The following ARHGAP6 variants were observed in gnomAD, a reference collection of about 807,000 sequenced individuals.
The protein encoded by ARHGAP6 is Rho GTPase activating protein 6.
A neutral mutation model predicts 55.7 loss-of-function variants in ARHGAP6; 16 were observed. The observed-to-expected ratio is 0.29, with a 90% CI of 0.19 to 0.44. The LOEUF is 0.44. Ranked by LOEUF, ARHGAP6 falls within the 20% of genes least tolerant of loss-of-function variation. ARHGAP6 has a pLI of 1.00. For synonymous variants in ARHGAP6, 382 were observed against 360.9 expected, an observed-to-expected ratio of 1.06 and a Z score of -0.66; for missense variants, 698 against 808.9, an observed-to-expected ratio of 0.86 and a Z score of 1.66.
chrX:11,452,482 G>A, intron 1 of ARHGAP6, among the ~76,000 whole-genome samples: 1 of 112,004 alleles, frequency 8.9e-6, no homozygotes, highest in Non-Finnish European at 1.9e-5. Flanking sequence ...TACAGTCCAT[G>A]TAACAGTTTC....
rs141495505 is a variant in ARHGAP6 at position 11,504,510 on chromosome X, T to C, written c.588+159731A>G. Among the ~76,000 whole-genome samples, 8 of 112,164 alleles carry C rather than the reference T, an allele frequency of 7.1e-5. No individual in the cohort carries two copies. In the East Asian group the frequency reaches 2.2e-3, roughly 31 times the overall value. Reference sequence around the variant, plus strand: ...TTACCCCCGTTAAGAATCCGTCTCTTAACTATATAAATAAATATTGTAGAA... The same window carrying C: ...TTACCCCCGTTAAGAATCCGTCTCTCAACTATATAAATAAATATTGTAGAA... On this transcript the variant is annotated intron_variant, in intron 1 of 12. Transcript: ENST00000337414.
intron 1 of ARHGAP6, among the ~76,000 whole-genome samples, chrX:11,634,253 T>C (rs957275917): frequency 1.8e-5 from 2 of 110,690 alleles, no homozygotes; most frequent in Admixed American, 1.9e-4. Context: ...TAATAAGCTT[T>C]AACTAATAAT....
At chrX:11,184,095 T>C (rs1473501030) in intron 5 of ARHGAP6, among the ~76,000 whole-genome samples, 3 of 112,003 alleles carry the variant, frequency 2.7e-5, no homozygotes, top group African/African-American at 9.7e-5. Context: ...GAATCCTGGA[T>C]CCAGCCGTGC....
intron 1 of ARHGAP6, among the ~76,000 whole-genome samples, chrX:11,657,468 G>T (rs972710177): frequency 2.3e-4 from 25 of 108,486 alleles, no homozygotes; most frequent in African/African-American, 8.4e-4. Context: ...AGGAGTAAAG[G>T]CATTCTGGCC....
At chrX:11,450,917 C>A (rs929109309) in intron 1 of ARHGAP6, among the ~76,000 whole-genome samples, 4 of 111,579 alleles carry the variant, frequency 3.6e-5, no homozygotes, top group African/African-American at 1.3e-4. Flanking sequence ...CATTTCCCCA[C>A]CGCTGACCTC....
intron 2 of ARHGAP6, among the ~76,000 whole-genome samples, chrX:11,201,629 A>G (rs2046622649): frequency 8.9e-6 from 1 of 112,170 alleles, no homozygotes; most frequent in South Asian, 3.7e-4. Flanking sequence ...ACAGTTCCAC[A>G]TGGCTGGGGA....
chrX:11,331,326 T>C (rs556754723), intron 1 of ARHGAP6, among the ~76,000 whole-genome samples: 1 of 111,772 alleles, frequency 8.9e-6, no homozygotes, highest in South Asian at 3.8e-4. Context: ...AATCAGACCC[T>C]TTCTGTCCAA....
chrX:11,178,381 T>C, intron 7 of ARHGAP6, 133 bp from the exon 8 acceptor site: 1 of 775,232 alleles, frequency 1.3e-6, no homozygotes, highest in Non-Finnish European at 1.8e-6. Context: ...TTCACTCATT[T>C]GCCCATTGCT....
intron 1 of ARHGAP6, among the ~76,000 whole-genome samples, chrX:11,443,968 T>C (rs2050067288): frequency 9.1e-6 from 1 of 109,654 alleles, no homozygotes; most frequent in Non-Finnish European, 1.9e-5. Context: ...AAAAAAAAAA[T>C]ATTTCCTGGT....
intron 1 of ARHGAP6, among the ~76,000 whole-genome samples, chrX:11,444,685 C>T (rs1404969780): frequency 8.9e-6 from 1 of 112,144 alleles, no homozygotes. Flanking sequence ...AGCCAAACAT[C>T]TTGTCTTCAC....
At chrX:11,489,848 A>G (rs2050549196) in intron 1 of ARHGAP6, among the ~76,000 whole-genome samples, 1 of 111,623 alleles carries the variant, frequency 9.0e-6, no homozygotes, top group South Asian at 3.8e-4. Flanking sequence ...CCATAGAGAA[A>G]AGAAGGCCAT....
intron 1 of ARHGAP6, among the ~76,000 whole-genome samples, chrX:11,550,291 C>CA (rs2147082819): frequency 9.0e-6 from 1 of 111,351 alleles, no homozygotes; most frequent in Admixed American, 9.6e-5. Context: ...AAGTGTGGAC[C>CA]AAAAAAATCA....
intron 1 of ARHGAP6, among the ~76,000 whole-genome samples, chrX:11,542,536 G>C (rs185148984): frequency 5.6e-4 from 62 of 111,014 alleles, no homozygotes; most frequent in African/African-American, 1.7e-3. Flanking sequence ...AATTGGTGGG[G>C]AGAGGGAGTG....
At position 11,196,938 on chromosome X, in the gene ARHGAP6, T is replaced by C; in HGVS notation, c.807A>G (p.Lys269=). 9.1e-7 allele frequency: 1 copy of C among 1,100,015 alleles called. No homozygotes were observed. The allele number at this position is 1,100,015 out of a possible 1,213,427, so 90.7% of individuals were successfully genotyped here. A position where few individuals can be genotyped will look rare whatever the true frequency, so the allele number is the denominator to read the frequency against. ...TTTACCCTTTACCTTTGTCTTTGTT[T>C]TTCTCCTTTCCTAGTGAATCCAGTT... is the stretch of plus-strand genomic sequence containing the variant. ...RKKLDSLGKE[K]NKDKEFIPQA... Residue 269 remains lysine, a synonymous_variant, in exon 3 of 13, where the codon AAA becomes AAG. Coordinates refer to ENST00000337414, the MANE Select transcript of ARHGAP6 (RefSeq NM_013427.3).
intron 1 of ARHGAP6, among the ~76,000 whole-genome samples, chrX:11,309,184 C>T (rs916762063): frequency 2.7e-5 from 3 of 112,003 alleles, no homozygotes; most frequent in Non-Finnish European, 5.6e-5. Context: ...TGGGTCCTAC[C>T]TTGCTTCTAG....
At chrX:11,576,808 T>C (rs1316348487) in intron 1 of ARHGAP6, among the ~76,000 whole-genome samples, 2 of 97,314 alleles carry the variant, frequency 2.1e-5, no homozygotes, top group Non-Finnish European at 4.1e-5. Context: ...AAGTCCAAAA[T>C]GGATCTCACT....
chrX:11,485,566 CA>C (rs1384331507), intron 1 of ARHGAP6, among the ~76,000 whole-genome samples: 1 of 112,582 alleles, frequency 8.9e-6, no homozygotes, highest in Non-Finnish European at 1.9e-5. Context: ...CACACATAAG[CA>C]AAATAAACTT....
At chrX:11,354,672 C>T (rs2048911487) in intron 1 of ARHGAP6, among the ~76,000 whole-genome samples, 1 of 110,981 alleles carries the variant, frequency 9.0e-6, no homozygotes, top group African/African-American at 3.3e-5. Flanking sequence ...GCATGCTGGA[C>T]AAATTTTTCC....
At chrX:11,340,682 T>C (rs1371682671) in intron 1 of ARHGAP6, among the ~76,000 whole-genome samples, 1 of 106,153 alleles carries the variant, frequency 9.4e-6, no homozygotes, top group South Asian at 4.2e-4. Context: ...TGAGCCGAGA[T>C]CGCGCCACTG....
Sources: gnomAD v4.1 joint callset for allele counts (sites outside exome capture counted in the v4.1 genomes callset) on GRCh38, gnomAD v4.1.1 for gene constraint, MANE v1.5 for transcripts, NCBI Gene and HGNC (gene_info 2026-07-23, HGNC 2026-07-21) for gene names.